The following HYDIN variants were observed in gnomAD, a reference collection of about 807,000 sequenced individuals.
HYDIN encodes HYDIN axonemal central pair apparatus protein.
A neutral mutation model predicts 403.9 loss-of-function variants in HYDIN; 132 were observed. That is an observed-to-expected ratio of 0.33 (90% confidence interval 0.28 to 0.38). The LOEUF is 0.38. Ranked by LOEUF, HYDIN falls within the 10% of genes least tolerant of loss-of-function variation. The pLI is 1.00. For synonymous variants in HYDIN, 1,202 were observed against 1,891.7 expected (o/e 0.64, Z 9.46); for missense variants, 2,827 against 5,009.5 (o/e 0.56, Z 13.15).
chr16:71,020,385 C>G (rs2080438500), intron 21 of HYDIN, 68 bp from the exon 22 acceptor site: 1 of 1,546,272 alleles, frequency 6.5e-7, no homozygotes, highest in East Asian at 2.3e-5. Context: ...AGCAACAAGT[C>G]TCAGGTTCAT....
intron 47 of HYDIN, among the ~76,000 whole-genome samples, chr16:70,909,464 A>G (rs1317895073): frequency 2.7e-5 from 4 of 150,722 alleles, no homozygotes; most frequent in Non-Finnish European, 4.4e-5. Context: ...GGCCTGGTAC[A>G]GTAATAACTA....
chr16:71,130,735 G>A (rs1426293901), intron 8 of HYDIN, among the ~76,000 whole-genome samples: 17 of 151,700 alleles, frequency 1.1e-4, no homozygotes, highest in Admixed American at 5.2e-4. Flanking sequence ...TGATCCACCC[G>A]CCTCGGCCTC....
In HYDIN at chr16:70,981,356, C is replaced by T. The variant is rs762352185; in HGVS notation, c.4510+35G>A. ...AGCAAAGCTAAAATGCTTGTTTTGT[C>T]CCCAGTGGGGAACTACTCCAGTGTG... On this transcript the variant is annotated intron_variant, in intron 29 of 85. Coordinates refer to ENST00000393567, the MANE Select transcript of HYDIN (RefSeq NM_001270974.2). The T allele has an allele frequency of 3.8e-6, 6 of 1,577,738 alleles. No individual in the cohort carries two copies. The African/African-American group carries it at 6.8e-5, about 18-fold the overall frequency.
intron 23 of HYDIN, among the ~76,000 whole-genome samples, chr16:70,997,988 A>G (rs1781448143): frequency 6.6e-6 from 1 of 151,998 alleles, no homozygotes; most frequent in Admixed American, 6.6e-5. Context: ...TATTTTCTTC[A>G]GGCCTTGCAT....
At chr16:71,046,675 A>T (rs1597633901) in intron 18 of HYDIN, among the ~76,000 whole-genome samples, 1 of 152,162 alleles carries the variant, frequency 6.6e-6, no homozygotes, top group Non-Finnish European at 1.5e-5. Context: ...GTAGAATAAA[A>T]TTTTTTCCTT....
At chr16:70,943,027 C>G (rs1187511534) in intron 42 of HYDIN, among the ~76,000 whole-genome samples, 1 of 152,104 alleles carries the variant, frequency 6.6e-6, no homozygotes, top group Non-Finnish European at 1.5e-5. Context: ...CTGGGAACGT[C>G]AAGTTAATTT....
rs758976552 is a variant in HYDIN, at chr16:70,837,852, C to A, written c.13080G>T (p.Glu4360Asp). The A allele has an allele frequency of 1.4e-5, 22 of 1,613,780 alleles. No individual in the cohort carries two copies. Among genetic ancestry groups the A allele is most frequent in the South Asian group, 9.9e-5 (9 of 91,062 alleles). The change falls in exon 77 of 86, where the codon GAG (glutamate) becomes GAT (aspartate). Residue 4360 changes from glutamate (E) to aspartate (D), a missense_variant. Glu to Asp is a conservative substitution (Grantham distance 45). Coordinates refer to ENST00000393567, the MANE Select transcript of HYDIN (RefSeq NM_001270974.2). ...TTACCACATCAACACGGGAGTTCAC[C>A]TCGAGGTGAGTGGTGTTGGTGTACA... ...DCLYTNTTHLEVNSRVDVVKP... is the reference protein window; with the variant it reads ...DCLYTNTTHLDVNSRVDVVKP...
intron 1 of HYDIN, among the ~76,000 whole-genome samples, chr16:71,227,145 GTA>G (rs1000809433): frequency 5.3e-4 from 79 of 149,742 alleles, no homozygotes; most frequent in African/African-American, 1.5e-3. Context: ...ATATATATGT[GTA>G]TGTGTGTGTG....
chr16:71,029,790 G>A (rs186055448), intron 19 of HYDIN, among the ~76,000 whole-genome samples: 1 of 152,062 alleles, frequency 6.6e-6, no homozygotes, highest in African/African-American at 2.4e-5. Context: ...AGATGGAGCA[G>A]AGGGAAGGAT....
intron 23 of HYDIN, among the ~76,000 whole-genome samples, chr16:71,011,101 C>T (rs1289533790): frequency 1.3e-5 from 2 of 152,154 alleles, no homozygotes; most frequent in South Asian, 2.1e-4. Context: ...CGTAGGAGGA[C>T]CCGTAGGAGC....
intron 1 of HYDIN, among the ~76,000 whole-genome samples, chr16:71,194,819 A>C (rs1338110663): frequency 6.6e-6 from 1 of 152,238 alleles, no homozygotes; most frequent in Non-Finnish European, 1.5e-5. Context: ...ATCCACTTCC[A>C]AGATGGCTTA....
intron 66 of HYDIN, among the ~76,000 whole-genome samples, chr16:70,867,028 CAA>C (rs34578135): frequency 0.079 from 7,369 of 92,974 alleles, 152 homozygotes; most frequent in Non-Finnish European, 0.089. Flanking sequence ...CTGTCCCCCT[CAA>C]AAAAAAAAAA....
chr16:71,221,220 G>A (rs546831209), intron 1 of HYDIN, among the ~76,000 whole-genome samples: 41 of 151,586 alleles, frequency 2.7e-4, no homozygotes, highest in Admixed American at 1.6e-3. Context: ...GAATGCAGGG[G>A]ACGATTCCTT....
At chr16:71,000,557 T>C (rs1052926354) in intron 23 of HYDIN, among the ~76,000 whole-genome samples, 22 of 151,720 alleles carry the variant, frequency 1.5e-4, no homozygotes, top group Middle Eastern at 3.4e-3. Context: ...AACATGGAGA[T>C]AGCTTTTAAG....
At chr16:70,872,598 T>A (rs1432633140) in intron 64 of HYDIN, among the ~76,000 whole-genome samples, 4 of 135,206 alleles carry the variant, frequency 3.0e-5, no homozygotes, top group East Asian at 5.1e-4. Flanking sequence ...CACCCACCCA[T>A]CCAGCCATCA....
chr16:70,951,074 A>C (rs1169923615), intron 41 of HYDIN, among the ~76,000 whole-genome samples: 1 of 152,046 alleles, frequency 6.6e-6, no homozygotes, highest in East Asian at 1.9e-4. Context: ...ATCCCTACAA[A>C]AATTTAAAAA....
intron 50 of HYDIN, 138 bp downstream of exon 50, chr16:70,907,234 G>A (rs1335090625): frequency 2.4e-5 from 14 of 586,944 alleles, no homozygotes; most frequent in Non-Finnish European, 4.3e-5. Flanking sequence ...CAAGAACCCA[G>A]TTCTCCTGAT....
intron 1 of HYDIN, among the ~76,000 whole-genome samples, chr16:71,207,302 C>T (rs2088350563): frequency 6.6e-6 from 1 of 152,066 alleles, no homozygotes; most frequent in Non-Finnish European, 1.5e-5. Context: ...AAATTCAAAC[C>T]AAAAATTTCA....
chr16:70,927,618 C>T (rs1484788774), intron 45 of HYDIN, among the ~76,000 whole-genome samples: 1 of 152,190 alleles, frequency 6.6e-6, no homozygotes, highest in Non-Finnish European at 1.5e-5. Context: ...GTCACACTGC[C>T]TCTTCAATAA....
Sources: allele counts gnomAD v4.1 joint callset (sites outside exome capture counted in the v4.1 genomes callset), GRCh38; gene constraint gnomAD v4.1.1; transcripts MANE v1.5; gene names NCBI Gene and HGNC (gene_info 2026-07-23, HGNC 2026-07-21).